EEA1: variants seen among roughly 807,000 people sequenced by gnomAD.
EEA1 encodes the protein early endosome antigen 1, also known as early endosome antigen 1, 162kD.
A neutral mutation model predicts 209.2 loss-of-function variants in EEA1; 111 were observed. The ratio of observed to expected loss-of-function variants is 0.53; its 90% CI spans 0.45 to 0.62. The LOEUF (loss-of-function observed/expected upper bound fraction) is 0.62. EEA1 is among the 20% of genes least tolerant of loss of function. The pLI is 0.00. For synonymous variants in EEA1, 536 were observed against 540.6 expected (o/e 0.99, Z 0.12); for missense variants, 1,343 against 1,530.8 (o/e 0.88, Z 2.05).
intron 9 of EEA1, among the ~76,000 whole-genome samples, chr12:92,849,802 T>A (rs1877535667): frequency 6.6e-6 from 1 of 152,152 alleles, no homozygotes; most frequent in Admixed American, 6.5e-5. Context: ...GGCTTTTAGA[T>A]CACCAGTTAC....
chr12:92,912,428 G>A (rs566898219), intron 1 of EEA1, among the ~76,000 whole-genome samples: 1 of 152,252 alleles, frequency 6.6e-6, no homozygotes, highest in African/African-American at 2.4e-5. Flanking sequence ...CTGCACAATG[G>A]GATTTGTTCT....
At chr12:92,897,640 T>C (rs1174292134) in intron 1 of EEA1, among the ~76,000 whole-genome samples, 1 of 152,150 alleles carries the variant, frequency 6.6e-6, no homozygotes, top group East Asian at 1.9e-4. Flanking sequence ...GGGCGTTTTG[T>C]CCAATTCTTT....
rs375387884 is a variant in EEA1 at position 92,814,606 on chromosome 12, C to T, written c.1930-1513G>A. 5.6e-3 allele frequency among the ~76,000 whole-genome samples: 280 copies of T among 50,290 alleles called. 2 individuals are homozygous for T. Among genetic ancestry groups the T allele is most frequent in the African/African-American group, 0.017 (270 of 16,290 alleles). The allele number at this position is 50,290 out of a possible 152,430, so 33.0% of individuals were successfully genotyped here. A position where few individuals can be genotyped will look rare whatever the true frequency, so the allele number is the denominator to read the frequency against. On this transcript the variant is annotated intron_variant, in intron 15 of 28. Transcript: ENST00000322349. ...TTTTAGAAAGGCTTCTGATGGGGGG[C>T]GGGGGGGGAAATGTGGCTATTCATA... is the stretch of plus-strand genomic sequence containing the variant.
At chr12:92,900,083 T>A (rs1254745128) in intron 1 of EEA1, among the ~76,000 whole-genome samples, 1 of 152,144 alleles carries the variant, frequency 6.6e-6, no homozygotes, top group Non-Finnish European at 1.5e-5. Flanking sequence ...TAAAACCTAC[T>A]ATGCTGATCC....
chr12:92,897,238 T>G (rs1043148797), intron 1 of EEA1, among the ~76,000 whole-genome samples: 5 of 152,202 alleles, frequency 3.3e-5, no homozygotes, highest in African/African-American at 9.7e-5. Flanking sequence ...AGATGGGAAA[T>G]TGGCTATCCA....
intron 2 of EEA1, among the ~76,000 whole-genome samples, chr12:92,880,314 T>G (rs552422718): frequency 9.9e-5 from 15 of 151,214 alleles, no homozygotes; most frequent in African/African-American, 2.2e-4. Context: ...AATGTTTTTG[T>G]TTTTTTTTGA....
At chr12:92,799,121 T>C (rs781310460) in intron 20 of EEA1, 35 bp from the exon 21 acceptor site, 3 of 1,512,654 alleles carry the variant, frequency 2.0e-6, no homozygotes, top group Non-Finnish European at 2.6e-6. Flanking sequence ...AGCCTTCATT[T>C]GTTCATTCAA....
chr12:92,855,296 C>A (rs1393855497), intron 5 of EEA1, among the ~76,000 whole-genome samples: 1 of 152,182 alleles, frequency 6.6e-6, no homozygotes, highest in East Asian at 1.9e-4. Flanking sequence ...GGCCTGATGG[C>A]GGACGTGCCT....
Position 92,798,990 on chromosome 12 carries a change from G to A in EEA1, c.2869C>T (p.Leu957Phe). ...LKQNEKEEQQ[L>F]QGNINELKQS... ...TTTAGCTCATTTATGTTCCCCTGAA[G>A]TTGTTGCTCTTCTTTTTCATTTTGT... The change falls in exon 21 of 29, where the codon CTT (leucine) becomes TTT (phenylalanine). Residue 957 changes from leucine (L) to phenylalanine (F), a missense_variant. This residue lies in a region of EEA1 where 1,307 missense variants were observed against 1,465.5 expected (regional missense o/e 0.89). Coordinates refer to ENST00000322349, the MANE Select transcript of EEA1 (RefSeq NM_003566.4). 1 of 1,613,130 alleles carries A rather than the reference G, an allele frequency of 6.2e-7. No homozygotes were observed. Among genetic ancestry groups the A allele is most frequent in the Non-Finnish European group, 8.5e-7 (1 of 1,179,626 alleles).
intron 2 of EEA1, among the ~76,000 whole-genome samples, chr12:92,874,930 A>G (rs1213533212): frequency 6.6e-6 from 1 of 152,210 alleles, no homozygotes; most frequent in Non-Finnish European, 1.5e-5. Flanking sequence ...TACAACATAC[A>G]TATGTATTGA....
Position 92,830,415 on chromosome 12 carries a change from C to T in EEA1, c.1254+2097G>A, listed in dbSNP as rs117288258. On this transcript the variant is annotated intron_variant, in intron 11 of 28. Coordinates refer to ENST00000322349, the MANE Select transcript of EEA1 (RefSeq NM_003566.4). ...TTTAGCTCCCACTTTTAAGTGAGAA[C>T]ATGTGGTATTTGATTTTCTGTTCCT... Among the ~76,000 whole-genome samples the T allele has an allele frequency of 6.8e-3, 1,032 of 152,122 alleles. 44 individuals are homozygous for T. In the East Asian group the frequency reaches 0.12, roughly 18 times the overall value.
intron 22 of EEA1, among the ~76,000 whole-genome samples, chr12:92,787,098 T>A (rs1874167687): frequency 6.6e-6 from 1 of 152,166 alleles, no homozygotes; most frequent in Non-Finnish European, 1.5e-5. Context: ...GCTCCCTATC[T>A]AAATAAAACA....
At chr12:92,828,094 A>G (rs1876407095) in intron 11 of EEA1, 33 bp from the exon 12 acceptor site, 2 of 1,498,392 alleles carry the variant, frequency 1.3e-6, no homozygotes, top group African/African-American at 1.4e-5. Context: ...GTATGTACAT[A>G]TGTACAAACA....
intron 1 of EEA1, among the ~76,000 whole-genome samples, chr12:92,913,894 C>A (rs753157219): frequency 1.3e-5 from 2 of 152,130 alleles, no homozygotes; most frequent in Non-Finnish European, 2.9e-5. Flanking sequence ...CTCATGACCT[C>A]AGGTGATCCG....
chr12:92,859,126 G>A (rs2136717172), intron 3 of EEA1: 1 of 1,226,958 alleles, frequency 8.2e-7, no homozygotes, highest in East Asian at 2.3e-5. Flanking sequence ...GGAGCTACTA[G>A]AGATTATAAA....
chr12:92,821,553 G>A lies in EEA1; in HGVS notation c.1525-2042C>T, dbSNP rs905608339. ...GTAAAATCACAAAGCTCCATAGATCGACGCTACTACAAATTTCTGGTTCCG... is the reference window on the plus strand; with the variant it reads ...GTAAAATCACAAAGCTCCATAGATCAACGCTACTACAAATTTCTGGTTCCG... On this transcript the variant is annotated intron_variant, in intron 13 of 28. Coordinates refer to ENST00000322349, the MANE Select transcript of EEA1 (RefSeq NM_003566.4). Among the ~76,000 whole-genome samples, 15 of 151,932 alleles carry A rather than the reference G, an allele frequency of 9.9e-5. No homozygotes were observed. The East Asian group carries it at 1.7e-3, about 18-fold the overall frequency.
At chr12:92,894,400 T>C (rs1327461928) in intron 1 of EEA1, among the ~76,000 whole-genome samples, 1 of 152,200 alleles carries the variant, frequency 6.6e-6, no homozygotes, top group African/African-American at 2.4e-5. Context: ...TTAAGCTTAA[T>C]GAGGAAGGCA....
intron 21 of EEA1, among the ~76,000 whole-genome samples, chr12:92,793,933 C>T (rs560957856): frequency 2.0e-4 from 30 of 152,120 alleles, no homozygotes; most frequent in Middle Eastern, 3.4e-3. Context: ...ACCATCAGAG[C>T]GAACAGGCAA....
At chr12:92,916,335 C>G (rs1880758540) in intron 1 of EEA1, among the ~76,000 whole-genome samples, 1 of 151,934 alleles carries the variant, frequency 6.6e-6, no homozygotes, top group South Asian at 2.1e-4. Context: ...GTGGATCATG[C>G]TCAAAATCAT....
Sources: allele counts gnomAD v4.1 joint callset (sites outside exome capture counted in the v4.1 genomes callset), GRCh38; gene constraint gnomAD v4.1.1; regional missense constraint gnomAD v4.1.1; transcripts MANE v1.5; gene names NCBI Gene and HGNC (gene_info 2026-07-23, HGNC 2026-07-21).